VGLL4: variants seen among roughly 807,000 people sequenced by gnomAD.
VGLL4 encodes the protein vestigial like family member 4, also known as transcription cofactor vestigial-like protein 4.
VGLL4 carries 7 observed loss-of-function variants against 21.0 expected under a neutral mutation model. The observed-to-expected ratio is 0.33, with a 90% confidence interval of 0.19 to 0.63. The LOEUF is 0.63. Among genes scored for constraint, VGLL4 ranks in the 20% least tolerant of loss-of-function variants. The pLI is 0.78. For missense variants in VGLL4, 394 were observed against 425.7 expected (o/e 0.93, Z 0.66); for synonymous variants, 222 against 173.2 (o/e 1.28, Z -2.21).
upstream of VGLL4, among the ~76,000 whole-genome samples, chr3:11,646,919 G>T (rs2616542): frequency 0.92 from 139,384 of 152,276 alleles, 63,992 homozygotes; most frequent in East Asian, 1. Flanking sequence ...ATACAGAAAC[G>T]GAGAATGAAC....
At chr3:11,707,319 C>A (rs1182310084) in intron 1 of VGLL4, among the ~76,000 whole-genome samples, 2 of 37,796 alleles carry the variant, frequency 5.3e-5, no homozygotes, top group African/African-American at 1.4e-4. Context: ...CAGAGCCAGA[C>A]CCTGCCTCAA....
intron 2 of VGLL4, among the ~76,000 whole-genome samples, chr3:11,591,321 A>G (rs1014882493): frequency 6.6e-6 from 1 of 152,158 alleles, no homozygotes; most frequent in African/African-American, 2.4e-5. Flanking sequence ...ACTTTTATAA[A>G]CTTCATGGCA....
intron 1 of VGLL4, among the ~76,000 whole-genome samples, chr3:11,708,301 C>T (rs1441656764): frequency 6.6e-6 from 1 of 152,148 alleles, no homozygotes; most frequent in African/African-American, 2.4e-5. Context: ...CTTTAGCTAG[C>T]GTGGTCTGGG....
At position 11,627,201 on chromosome 3, in the gene VGLL4, TACACACACACAC is replaced by T. The variant is rs59275196; in HGVS notation, c.82+16224_82+16235del. ...AGGAGTAAGCACTGTGTTTGTTTTA[TACACACACACAC>T]ACACACACACACACACACTCTCTCT... On this transcript the variant is annotated intron_variant, in intron 1 of 4. Transcript: ENST00000430365. 3.5e-5 allele frequency: 5 copies of T among 140,858 alleles called. No individual in the cohort carries two copies. The South Asian group carries it at 7.1e-4, about 20-fold the overall frequency. 8.7% of individuals were successfully genotyped at this position (140,858 alleles called of 1,614,324 possible). A position where few individuals can be genotyped will look rare whatever the true frequency, so the allele number is the denominator to read the frequency against.
intron 2 of VGLL4, among the ~76,000 whole-genome samples, chr3:11,572,466 C>A (rs1274825313): frequency 3.3e-5 from 5 of 152,168 alleles, no homozygotes. Context: ...CTTTTCTTTC[C>A]TCTGGCCATG....
At chr3:11,711,715 T>C (rs1005996594) in intron 1 of VGLL4, among the ~76,000 whole-genome samples, 12 of 151,392 alleles carry the variant, frequency 7.9e-5, no homozygotes, top group Non-Finnish European at 1.5e-5. Context: ...AGACCCTGTC[T>C]CAAAAAAAAA....
chr3:11,672,277 T>C (rs972015644), intron 2 of VGLL4, among the ~76,000 whole-genome samples: 1 of 152,210 alleles, frequency 6.6e-6, no homozygotes, highest in Admixed American at 6.5e-5. Context: ...GAATTCACAA[T>C]GCAAAAATCT....
chr3:11,613,877 C>G (rs2443724), intron 1 of VGLL4, among the ~76,000 whole-genome samples: 88,373 of 152,090 alleles, frequency 0.58, 27,261 homozygotes, highest in Non-Finnish European at 0.71. Context: ...CTACTCATGA[C>G]AGGCCCCCGC....
chr3:11,563,990 C>A (rs1313693633), intron 3 of VGLL4, among the ~76,000 whole-genome samples: 1 of 152,170 alleles, frequency 6.6e-6, no homozygotes, highest in Non-Finnish European at 1.5e-5. Flanking sequence ...GAGGCTCTTG[C>A]AGCTGAATGC....
Position 11,568,252 on chromosome 3 carries a change from C to G in VGLL4, c.273-3233G>C, listed in dbSNP as rs768732370. Among the ~76,000 whole-genome samples the G allele has an allele frequency of 3.3e-5, 5 of 152,218 alleles. No homozygotes were observed. Among genetic ancestry groups the G allele is most frequent in the Non-Finnish European group, 7.3e-5 (5 of 68,030 alleles). The stretch of plus-strand genomic sequence containing the variant: ...CTGCCCACCCCTCGCACCTTATGTC[C>G]TAGGGGCACGGCACAGTCACGCAGA... On this transcript the variant is annotated intron_variant, in intron 2 of 4. Coordinates refer to ENST00000430365, the MANE Select transcript of VGLL4 (RefSeq NM_001128219.3). This position sits in a 1 kb window ranked among gnomAD's most constrained non-coding sequence, Gnocchi z 5.9.
chr3:11,602,499 G>A (rs1365447851), intron 1 of VGLL4, among the ~76,000 whole-genome samples: 2 of 151,978 alleles, frequency 1.3e-5, no homozygotes, highest in Non-Finnish European at 2.9e-5. Context: ...AAAGAATGAG[G>A]AAAGTGTGTG....
chr3:11,678,380 C>G (rs1330131555), intron 2 of VGLL4, among the ~76,000 whole-genome samples: 1 of 152,192 alleles, frequency 6.6e-6, no homozygotes. Context: ...TTGATTCACA[C>G]CACATAAAAT....
intron 1 of VGLL4, among the ~76,000 whole-genome samples, chr3:11,716,682 A>G (rs2076923328): frequency 1.3e-5 from 2 of 152,190 alleles, no homozygotes; most frequent in South Asian, 2.1e-4. Flanking sequence ...GTATTTCAAG[A>G]AGGTATAATT....
At chr3:11,637,867 A>T (rs1278527225) in intron 1 of VGLL4, among the ~76,000 whole-genome samples, 2 of 152,206 alleles carry the variant, frequency 1.3e-5, no homozygotes, top group African/African-American at 4.8e-5. Context: ...TAAAAGACGG[A>T]GAGAAAACTG....
chr3:11,640,438 C>T (rs1311873751), intron 1 of VGLL4, among the ~76,000 whole-genome samples: 2 of 152,084 alleles, frequency 1.3e-5, no homozygotes, highest in East Asian at 1.9e-4. Context: ...GGGTGATGGA[C>T]GCAGTGGTTA....
At chr3:11,576,200 G>A (rs1427777581) in intron 2 of VGLL4, among the ~76,000 whole-genome samples, 1 of 152,154 alleles carries the variant, frequency 6.6e-6, no homozygotes, top group Non-Finnish European at 1.5e-5. Context: ...GCCCACCTGC[G>A]GCCATGACCC....
rs185995600 is a variant in VGLL4, at chr3:11,584,297, A to G, written c.272+17536T>C. 3.9e-5 allele frequency among the ~76,000 whole-genome samples: 6 copies of G among 152,354 alleles called. No individual in the cohort carries two copies. In the East Asian group the frequency reaches 5.8e-4, roughly 15 times the overall value. ...ACAGAAGAAGAAATGCAAACGGCCA[A>G]TAAGGATATGAAAACATCATTCAAG... On this transcript the variant is annotated intron_variant, in intron 2 of 4. Coordinates refer to ENST00000430365, the MANE Select transcript of VGLL4 (RefSeq NM_001128219.3).
At chr3:11,621,551 G>A (rs2574715) in intron 1 of VGLL4, among the ~76,000 whole-genome samples, 31,617 of 152,040 alleles carry the variant, frequency 0.21, 3,922 homozygotes, top group East Asian at 0.37. Context: ...TGGAGAAACC[G>A]CATTTTATCC....
intron 2 of VGLL4, among the ~76,000 whole-genome samples, chr3:11,691,601 T>C (rs2076527511): frequency 6.6e-6 from 1 of 152,150 alleles, no homozygotes; most frequent in Non-Finnish European, 1.5e-5. Context: ...GGCTGCCCCT[T>C]GGACAGGAGT....
Sources: allele counts gnomAD v4.1 joint callset (sites outside exome capture counted in the v4.1 genomes callset), GRCh38; gene constraint gnomAD v4.1.1; non-coding constraint Gnocchi (gnomAD v3.1); transcripts MANE v1.5; gene names NCBI Gene and HGNC (gene_info 2026-07-23, HGNC 2026-07-21).